USP15: variants seen among roughly 807,000 people sequenced by gnomAD.
USP15 encodes ubiquitin specific peptidase 15, also known as ubiquitin carboxyl-terminal hydrolase 15.
Under a neutral mutation model 127.1 loss-of-function variants are expected in USP15, and 18 were observed. The ratio of observed to expected loss-of-function variants is 0.14; its 90% CI spans 0.10 to 0.21. USP15 has a LOEUF of 0.21. USP15 is among the 10% of genes least tolerant of loss of function. The pLI is 1.00. For missense variants in USP15, 805 were observed against 1,159.9 expected, an observed-to-expected ratio of 0.69 and a Z score of 4.44; for synonymous variants, 364 against 393.7, an observed-to-expected ratio of 0.92 and a Z score of 0.89.
chr12:62,295,249 G>C (rs922894829), intron 2 of USP15, among the ~76,000 whole-genome samples: 5 of 152,164 alleles, frequency 3.3e-5, no homozygotes, highest in Non-Finnish European at 7.3e-5. Context: ...AATCATCGAG[G>C]CTAATATAGG....
At chr12:62,307,994 A>C (rs1044624622) in intron 3 of USP15, among the ~76,000 whole-genome samples, 5 of 152,096 alleles carry the variant, frequency 3.3e-5, no homozygotes, top group Non-Finnish European at 7.4e-5. Flanking sequence ...ATTATTAGCT[A>C]TTGTTAATCT....
At chr12:62,298,424 T>G (rs1408393695) in intron 2 of USP15, among the ~76,000 whole-genome samples, 1 of 152,086 alleles carries the variant, frequency 6.6e-6, no homozygotes, top group Non-Finnish European at 1.5e-5. Context: ...CCCAGCACTT[T>G]GGGAGGCCGA....
At chr12:62,276,032 T>C (rs2063481618) in intron 1 of USP15, among the ~76,000 whole-genome samples, 1 of 152,128 alleles carries the variant, frequency 6.6e-6, no homozygotes, top group Non-Finnish European at 1.5e-5. Flanking sequence ...TTAGTAACTA[T>C]GAACCCAGAT....
At position 62,328,662 on chromosome 12, in the gene USP15, G is replaced by A. The variant is rs2065201467; in HGVS notation, c.683+2729G>A. Among the ~76,000 whole-genome samples, 2 of 151,506 alleles carry A rather than the reference G, an allele frequency of 1.3e-5. 1 individual carries two copies. The highest frequency in any genetic ancestry group is 4.2e-4 in the South Asian group (2 of 4,812). The stretch of plus-strand genomic sequence containing the variant: ...CCTGTTCAAAATTTTTTTTTTCCTA[G>A]AAACTTGACAAATTCATTTTAAAGT... On this transcript the variant is annotated intron_variant, in intron 6 of 21. Coordinates refer to ENST00000280377, the MANE Select transcript of USP15 (RefSeq NM_001252078.2).
chr12:62,289,272 C>G (rs1343708275), intron 1 of USP15, among the ~76,000 whole-genome samples: 1 of 151,422 alleles, frequency 6.6e-6, no homozygotes, highest in African/African-American at 2.4e-5. Context: ...CTGATTTAAT[C>G]TTAGTACTCA....
chr12:62,347,690 T>C (rs1278086086), intron 6 of USP15, among the ~76,000 whole-genome samples: 1 of 152,160 alleles, frequency 6.6e-6, no homozygotes, highest in East Asian at 1.9e-4. Flanking sequence ...AAGTGTGTTC[T>C]ATACATTGTT....
chr12:62,290,387 T>G (rs150009846), intron 1 of USP15, among the ~76,000 whole-genome samples: 1 of 152,326 alleles, frequency 6.6e-6, no homozygotes, highest in African/African-American at 2.4e-5. Context: ...TTTTTACTGT[T>G]TTTGATTTAA....
At chr12:62,354,180 C>T (rs1174147932) in intron 7 of USP15, among the ~76,000 whole-genome samples, 1 of 151,006 alleles carries the variant, frequency 6.6e-6, no homozygotes, top group Non-Finnish European at 1.5e-5. Flanking sequence ...TTTCTTAGAA[C>T]AGGTAGTATA....
At chr12:62,381,074 A>C (rs889967276) in intron 8 of USP15, among the ~76,000 whole-genome samples, 1 of 152,040 alleles carries the variant, frequency 6.6e-6, no homozygotes, top group Non-Finnish European at 1.5e-5. Context: ...AAATACCTCT[A>C]TTAAGTTAAT....
intron 6 of USP15, among the ~76,000 whole-genome samples, chr12:62,332,375 C>T (rs140769131): frequency 6.6e-6 from 1 of 151,446 alleles, no homozygotes. Flanking sequence ...AAAAGTTTTC[C>T]CCCCTAGTTT....
intron 8 of USP15, among the ~76,000 whole-genome samples, chr12:62,366,165 A>AT (rs1286264777): frequency 6.6e-6 from 1 of 152,200 alleles, no homozygotes; most frequent in Non-Finnish European, 1.5e-5. Flanking sequence ...CACAGTATTG[A>AT]TTCTTCCTAT....
intron 6 of USP15, chr12:62,335,889 T>TA: frequency 6.1e-6 from 6 of 985,446 alleles, no homozygotes; most frequent in Non-Finnish European, 7.2e-6. Flanking sequence ...GAATGCATGA[T>TA]ACGACCTTTT....
At chr12:62,324,208 C>T (rs371233843) in intron 5 of USP15, among the ~76,000 whole-genome samples, 1 of 151,790 alleles carries the variant, frequency 6.6e-6, no homozygotes, top group African/African-American at 2.4e-5. Flanking sequence ...GAAAATGATG[C>T]ACTTGAATAA....
intron 8 of USP15, among the ~76,000 whole-genome samples, chr12:62,375,756 G>A (rs1466537819): frequency 6.6e-6 from 1 of 152,048 alleles, no homozygotes; most frequent in Non-Finnish European, 1.5e-5. Context: ...ATTCAAATTC[G>A]AGTACTCTTA....
chr12:62,396,089 ATCTCAGAGGTACATGTATGATTTGTTT>A (rs1255456554), intron 19 of USP15, among the ~76,000 whole-genome samples, 179 bp from the exon 20 acceptor site: 1 of 152,060 alleles, frequency 6.6e-6, no homozygotes, highest in Non-Finnish European at 1.5e-5. Context: ...AAACATTAAT[ATCTCAGAGGTACATGTATGATTTGTTT>A]TGTAAGTTAT....
intron 6 of USP15, among the ~76,000 whole-genome samples, chr12:62,328,083 T>G (rs2065184003): frequency 6.6e-6 from 1 of 152,138 alleles, no homozygotes; most frequent in African/African-American, 2.4e-5. Context: ...ATTGAGAAAT[T>G]TTGAGCACAA....
At position 62,411,378 on chromosome 12, in the gene USP15, A is replaced by G. The variant is rs1158022801; in HGVS notation, c.*7003A>G. ...AGAGCTTCATTCATTCCTTCATCAA[A>G]TATTTTTTGAGTGTCCACTATGTGC... On this transcript the variant is annotated 3_prime_UTR_variant, in exon 22 of 22. Transcript: ENST00000280377. 5.9e-5 allele frequency: 9 copies of G among 152,142 alleles called. No homozygotes were observed. The highest frequency in any genetic ancestry group is 2.2e-4 in the African/African-American group (9 of 41,410). 9.4% of individuals were successfully genotyped at this position (152,142 alleles called of 1,614,324 possible).
chr12:62,284,524 T>G (rs1198094038), intron 1 of USP15, among the ~76,000 whole-genome samples: 3 of 152,214 alleles, frequency 2.0e-5, no homozygotes, highest in African/African-American at 7.2e-5. Context: ...TGCCTTTGCT[T>G]TAGCTATTTT....
intron 8 of USP15, among the ~76,000 whole-genome samples, chr12:62,358,468 A>T (rs567351306): frequency 1.4e-3 from 207 of 152,278 alleles, no homozygotes; most frequent in African/African-American, 4.9e-3. Flanking sequence ...TAATCCCAGC[A>T]CTTTGGGAGG....
Sources: gnomAD v4.1 joint callset for allele counts (sites outside exome capture counted in the v4.1 genomes callset) on GRCh38, gnomAD v4.1.1 for gene constraint, MANE v1.5 for transcripts, NCBI Gene and HGNC (gene_info 2026-07-23, HGNC 2026-07-21) for gene names.